NEGR1: variants seen among roughly 807,000 people sequenced by gnomAD.
NEGR1 encodes IgLON family member 4.
In NEGR1, 10 loss-of-function variants were observed where a neutral mutation model predicts 40.9. The observed-to-expected ratio is 0.24, with a 90% CI of 0.15 to 0.42. The LOEUF is 0.42. NEGR1 is among the 10% of genes least tolerant of loss of function. NEGR1 has a pLI of 1.00. For synonymous variants in NEGR1, 185 were observed against 166.8 expected, an observed-to-expected ratio of 1.11 and a Z score of -0.84; for missense variants, 352 against 438.9, an observed-to-expected ratio of 0.80 and a Z score of 1.77.
At chr1:71,962,062 C>A (rs1344039335) in intron 1 of NEGR1, among the ~76,000 whole-genome samples, 2 of 151,660 alleles carry the variant, frequency 1.3e-5, no homozygotes, top group East Asian at 3.9e-4. Flanking sequence ...TGACTGTTGG[C>A]AAGTATAAAG....
chr1:71,661,176 T>C (rs1652041900), intron 4 of NEGR1, among the ~76,000 whole-genome samples: 1 of 152,256 alleles, frequency 6.6e-6, no homozygotes, highest in African/African-American at 2.4e-5. Flanking sequence ...TGCATGTGTC[T>C]TTATAGTAGA....
intron 1 of NEGR1, among the ~76,000 whole-genome samples, 172 bp from the exon 2 acceptor site, chr1:71,935,483 A>C (rs938232507): frequency 6.6e-6 from 1 of 151,958 alleles, no homozygotes; most frequent in Non-Finnish European, 1.5e-5. Flanking sequence ...TTCCCAATGC[A>C]AATGTGAAAC....
chr1:72,009,035 G>A (rs1438036688), intron 1 of NEGR1, among the ~76,000 whole-genome samples: 2 of 151,318 alleles, frequency 1.3e-5, no homozygotes, highest in Admixed American at 6.6e-5. Flanking sequence ...AAAGAAGGGG[G>A]AGTGATCATA....
intron 1 of NEGR1, among the ~76,000 whole-genome samples, chr1:72,180,896 T>C (rs768005838): frequency 6.6e-6 from 1 of 152,044 alleles, no homozygotes; most frequent in Non-Finnish European, 1.5e-5. Context: ...CAGCAGTTAG[T>C]TTGGGATTTT....
intron 2 of NEGR1, among the ~76,000 whole-genome samples, chr1:71,878,963 G>A (rs928898224): frequency 2.0e-5 from 3 of 151,928 alleles, no homozygotes; most frequent in East Asian, 1.9e-4. Flanking sequence ...GAGAAACCCC[G>A]TCTCTACTAA....
At chr1:71,718,282 A>C (rs769021497) in intron 3 of NEGR1, among the ~76,000 whole-genome samples, 2 of 152,076 alleles carry the variant, frequency 1.3e-5, no homozygotes, top group East Asian at 3.9e-4. Flanking sequence ...TTCTCCTGAG[A>C]GCTGCTCATT....
chr1:71,439,039 C>T (rs771557237), intron 6 of NEGR1, among the ~76,000 whole-genome samples: 22 of 152,076 alleles, frequency 1.4e-4, no homozygotes, highest in Non-Finnish European at 2.8e-4. Flanking sequence ...AAAATAAAAT[C>T]AAAGCTCCCC....
intron 6 of NEGR1, among the ~76,000 whole-genome samples, chr1:71,591,241 T>C (rs995940202): frequency 6.6e-6 from 1 of 152,172 alleles, no homozygotes. Flanking sequence ...AGAGAGATGA[T>C]GAGAGTCTCT....
chr1:71,409,234 T>C (rs1208631469), intron 6 of NEGR1, among the ~76,000 whole-genome samples: 3 of 151,942 alleles, frequency 2.0e-5, no homozygotes, highest in Admixed American at 2.0e-4. Flanking sequence ...CCTAGAAAAA[T>C]ATTTTAAAAA....
intron 2 of NEGR1, among the ~76,000 whole-genome samples, chr1:71,854,740 AG>A (rs1280359423): frequency 6.6e-6 from 1 of 152,054 alleles, no homozygotes. Context: ...CGCTGAGCAA[AG>A]GGGGGAAAGT....
chr1:72,188,072 G>T (rs1434029939), intron 1 of NEGR1, among the ~76,000 whole-genome samples: 1 of 151,402 alleles, frequency 6.6e-6, no homozygotes, highest in Non-Finnish European at 1.5e-5. Context: ...TTAAGCTAAA[G>T]GAATGTTAAA....
At chr1:71,448,439 A>C (rs891113285) in intron 6 of NEGR1, among the ~76,000 whole-genome samples, 11 of 152,120 alleles carry the variant, frequency 7.2e-5, no homozygotes, top group Admixed American at 3.3e-4. Flanking sequence ...TCTCTACTAA[A>C]AATACAAAAA....
intron 3 of NEGR1, among the ~76,000 whole-genome samples, chr1:71,728,876 ATGGTCCACC>A (rs1284661433): frequency 6.6e-6 from 1 of 152,112 alleles, no homozygotes; most frequent in African/African-American, 2.4e-5. Flanking sequence ...GGGAAATTTG[ATGGTCCACC>A]TGGGAGAGGA....
At chr1:71,473,725 G>A (rs1208890799) in intron 6 of NEGR1, among the ~76,000 whole-genome samples, 1 of 152,002 alleles carries the variant, frequency 6.6e-6, no homozygotes, top group Non-Finnish European at 1.5e-5. Flanking sequence ...ATGGCTTTTT[G>A]GAGAATGGGG....
At chr1:71,430,622 C>T (rs1316385662) in intron 6 of NEGR1, among the ~76,000 whole-genome samples, 3 of 147,626 alleles carry the variant, frequency 2.0e-5, no homozygotes, top group South Asian at 4.3e-4. Context: ...CATTTTACTA[C>T]ATTTTCTGAA....
At chr1:71,520,562 A>G (rs1647149104) in intron 6 of NEGR1, among the ~76,000 whole-genome samples, 1 of 152,104 alleles carries the variant, frequency 6.6e-6, no homozygotes, top group South Asian at 2.1e-4. Flanking sequence ...TTAATGAATT[A>G]GTTACAAATT....
chr1:71,911,469 G>A (rs34490182), intron 2 of NEGR1, among the ~76,000 whole-genome samples: 3,785 of 151,962 alleles, frequency 0.025, 74 homozygotes, highest in Non-Finnish European at 0.038. Flanking sequence ...CCTATTCTTC[G>A]GTCCTGAGGG....
At chr1:72,244,268 TA>T (rs1179574731) in intron 1 of NEGR1, among the ~76,000 whole-genome samples, 2 of 151,872 alleles carry the variant, frequency 1.3e-5, no homozygotes, top group Non-Finnish European at 2.9e-5. Flanking sequence ...GTCTCTTAAA[TA>T]ACTTATTTAA....
chr1:72,012,816 T>TATAC (rs1553130311), intron 1 of NEGR1, among the ~76,000 whole-genome samples: 3 of 145,472 alleles, frequency 2.1e-5, no homozygotes, highest in African/African-American at 5.0e-5. Flanking sequence ...TATATATATA[T>TATAC]ACACACACAC....
Sources: gnomAD v4.1 joint callset for allele counts (sites outside exome capture counted in the v4.1 genomes callset) on GRCh38, gnomAD v4.1.1 for gene constraint, MANE v1.5 for transcripts, NCBI Gene and HGNC (gene_info 2026-07-23, HGNC 2026-07-21) for gene names.